Variants in MYO7A observed in about 807,000 individuals in gnomAD.
The protein encoded by MYO7A is myosin VIIA.
In MYO7A, 210 loss-of-function variants were observed where a neutral mutation model predicts 263.8. That is an observed-to-expected ratio of 0.80 (90% CI 0.71 to 0.89). The LOEUF is 0.89. Ranked by LOEUF, MYO7A falls within the 40% of genes least tolerant of loss-of-function variation. The pLI is 0.00. For missense variants in MYO7A, 2,820 were observed against 2,968.3 expected (o/e 0.95, Z 1.16); for synonymous variants, 1,239 against 1,197.3 (o/e 1.03, Z -0.72).
At chr11:77,182,819 A>G (rs1305372053) in intron 25 of MYO7A, among the ~76,000 whole-genome samples, 4 of 152,244 alleles carry the variant, frequency 2.6e-5, no homozygotes, top group Non-Finnish European at 1.5e-5. Context: ...GCCTCATGGC[A>G]GAGCAGACAG....
Position 77,194,359 on chromosome 11 carries a change from C to CG in MYO7A, c.4159dup (p.Asp1387GlyfsTer4). ...CGAGGCCTCCCCCCACCTAGGAGGA[C>CG]GACCTGGCTGAGCTGGCCTCCCAGC... On this transcript the variant is annotated frameshift_variant, in exon 32 of 49. Transcript: ENST00000409709. LOFTEE classifies it high-confidence loss of function. 6.2e-7 allele frequency: 1 copy of CG among 1,611,478 alleles called. No individual in the cohort carries two copies. Among genetic ancestry groups the CG allele is most frequent in the Non-Finnish European group, 8.5e-7 (1 of 1,178,842 alleles).
rs1953804244 is a variant in MYO7A at position 77,168,760 on chromosome 11, C to T, written c.1797+2598C>T. Among the ~76,000 whole-genome samples, 6 of 152,268 alleles carry T rather than the reference C, an allele frequency of 3.9e-5. No homozygotes were observed. In the South Asian group the frequency reaches 1.2e-3, roughly 32 times the overall value. ...GCCGCAGTGAGTTGTGACTGTGCCACTGCACTCCAGCGTGGGTGACAGAGT... is the reference window on the plus strand; with the variant it reads ...GCCGCAGTGAGTTGTGACTGTGCCATTGCACTCCAGCGTGGGTGACAGAGT... On this transcript the variant is annotated intron_variant, in intron 15 of 48. Coordinates refer to ENST00000409709, the MANE Select transcript of MYO7A (RefSeq NM_000260.4).
chr11:77,210,937 A>C (rs1033272829), intron 44 of MYO7A: 2 of 535,540 alleles, frequency 3.7e-6, no homozygotes, highest in African/African-American at 1.9e-5. Flanking sequence ...ATGCACTCCA[A>C]CTGCCAACTG....
At chr11:77,148,368 A>T (rs1009167256) in intron 4 of MYO7A, among the ~76,000 whole-genome samples, 1 of 152,224 alleles carries the variant, frequency 6.6e-6, no homozygotes, top group Non-Finnish European at 1.5e-5. Flanking sequence ...ATGGATAGGG[A>T]TGGATGGATA....
chr11:77,213,103 C>T (rs753700173), intron 47 of MYO7A, 68 bp downstream of exon 47: 26 of 1,279,846 alleles, frequency 2.0e-5, no homozygotes, highest in African/African-American at 8.9e-5. Flanking sequence ...GGTCCCAGAA[C>T]GAACCCCACA....
At chr11:77,147,729 C>T in intron 3 of MYO7A, 69 bp from the exon 4 acceptor site, 1 of 1,575,544 alleles carries the variant, frequency 6.3e-7, no homozygotes, top group Non-Finnish European at 8.6e-7. Flanking sequence ...CCCGCCCGTC[C>T]CGGCCCCTTC....
chr11:77,201,011 A>C (rs1234622230), intron 35 of MYO7A, among the ~76,000 whole-genome samples: 4 of 152,244 alleles, frequency 2.6e-5, no homozygotes, highest in Non-Finnish European at 4.4e-5. Flanking sequence ...ACAGGAGCCC[A>C]GAGGAGAGGC....
rs376286438 is a variant in MYO7A at position 77,162,933 on chromosome 11, T to C, written c.1635T>C (p.His545=). ...NANYIPPKNN[H]ETQFGINHFA... ...ACTACATCCCCCCCAAGAACAACCA[T>C]GAGACCCAGTTTGGCATCAACCATT... Residue 545 remains histidine, a synonymous_variant, in exon 14 of 49, where the codon CAT becomes CAC. Coordinates refer to ENST00000409709, the MANE Select transcript of MYO7A (RefSeq NM_000260.4). 1.9e-5 allele frequency: 30 copies of C among 1,613,530 alleles called. No individual in the cohort carries two copies. In the African/African-American group the frequency reaches 3.1e-4, roughly 17 times the overall value.
chr11:77,197,330 G>A, intron 32 of MYO7A, 151 bp from the exon 33 acceptor site: 1 of 599,082 alleles, frequency 1.7e-6, no homozygotes, highest in Non-Finnish European at 2.9e-6. Flanking sequence ...GGACAGGGTG[G>A]CTGCAGACAG....
chr11:77,143,615 G>A (rs1286580233), intron 3 of MYO7A, among the ~76,000 whole-genome samples: 1 of 152,222 alleles, frequency 6.6e-6, no homozygotes, highest in African/African-American at 2.4e-5. Context: ...ACATGTGTGT[G>A]TCACTGGGGG....
chr11:77,190,879 G>T lies in MYO7A; in HGVS notation c.3924+9G>T, dbSNP rs1014328635. ...TTGCCCTGTTTGACAAGGTATGGCC[G>T]CCCGGAAGCACCTCCTCCCGGAAGC... is the stretch of plus-strand genomic sequence containing the variant. On this transcript the variant is annotated intron_variant, in intron 30 of 48. Transcript: ENST00000409709. The T allele has an allele frequency of 6.5e-6, 10 of 1,547,960 alleles. No individual in the cohort carries two copies. Among genetic ancestry groups the T allele is most frequent in the Admixed American group, 1.9e-5 (1 of 51,794 alleles).
intron 10 of MYO7A, 135 bp from the exon 11 acceptor site, chr11:77,160,028 G>T: frequency 1.5e-6 from 2 of 1,342,958 alleles, no homozygotes; most frequent in Non-Finnish European, 2.0e-6. Context: ...GGATTTGGCC[G>T]TGGGCCCTGG....
At chr11:77,209,938 A>G (rs11600791) in intron 44 of MYO7A, among the ~76,000 whole-genome samples, 81,715 of 152,022 alleles carry the variant, frequency 0.54, 22,156 homozygotes, top group Middle Eastern at 0.62. Context: ...GCTCTCCTTC[A>G]GCTCAGCTGG....
At chr11:77,140,734 G>A (rs1162046709) in intron 2 of MYO7A, among the ~76,000 whole-genome samples, 2 of 152,190 alleles carry the variant, frequency 1.3e-5, no homozygotes, top group Non-Finnish European at 2.9e-5. Flanking sequence ...GATTATATGG[G>A]GCAGTTTACG....
intron 5 of MYO7A, 65 bp downstream of exon 5, chr11:77,156,156 T>G: frequency 1.3e-6 from 2 of 1,549,606 alleles, no homozygotes; most frequent in Non-Finnish European, 1.8e-6. Context: ...TGTGCGCTCC[T>G]GCTGATACCT....
chr11:77,195,537 G>A (rs541206513), intron 32 of MYO7A, among the ~76,000 whole-genome samples: 4 of 152,316 alleles, frequency 2.6e-5, no homozygotes. Context: ...TACGTCCTGG[G>A]TGGGGTGCTA....
chr11:77,170,976 G>A (rs1358779458), intron 15 of MYO7A, among the ~76,000 whole-genome samples: 3 of 152,224 alleles, frequency 2.0e-5, no homozygotes, highest in Admixed American at 2.0e-4. Context: ...ACCCATGGAT[G>A]TCACTAGGAA....
In MYO7A at chr11:77,205,080, C is replaced by T. The variant is rs116102419; in HGVS notation, c.5481-382C>T. Reference sequence around the variant, plus strand: ...GTAGAGGTGAATTAAAGAGCTTCTGCGAAAATATAAATCACACTGCTTCCT... The same window carrying T: ...GTAGAGGTGAATTAAAGAGCTTCTGTGAAAATATAAATCACACTGCTTCCT... On this transcript the variant is annotated intron_variant, in intron 39 of 48. Coordinates refer to ENST00000409709, the MANE Select transcript of MYO7A (RefSeq NM_000260.4). Among the ~76,000 whole-genome samples, 1,040 of 152,274 alleles carry T rather than the reference C, an allele frequency of 6.8e-3. 7 individuals are homozygous for T. The highest frequency in any genetic ancestry group is 0.023 in the African/African-American group (976 of 41,536).
chr11:77,155,447 G>A (rs570156534), intron 4 of MYO7A, among the ~76,000 whole-genome samples: 13 of 152,226 alleles, frequency 8.5e-5, no homozygotes, highest in Non-Finnish European at 1.6e-4. Context: ...AATTTCTCAC[G>A]CCCCTCTTCC....
Sources: gnomAD v4.1 joint callset for allele counts (sites outside exome capture counted in the v4.1 genomes callset) on GRCh38, gnomAD v4.1.1 for gene constraint, MANE v1.5 for transcripts, NCBI Gene and HGNC (gene_info 2026-07-23, HGNC 2026-07-21) for gene names.